Variants in CBL observed in about 807,000 individuals in gnomAD.
CBL encodes the protein Cbl proto-oncogene.
Under a neutral mutation model 96.9 loss-of-function variants are expected in CBL, and 45 were observed. The ratio of observed to expected loss-of-function variants is 0.46; its 90% confidence interval spans 0.37 to 0.60. The LOEUF (loss-of-function observed/expected upper bound fraction) is 0.60. Among genes scored for constraint, CBL ranks in the 20% least tolerant of loss-of-function variants. The pLI is 0.00. For synonymous variants in CBL, 420 were observed against 426.8 expected, an observed-to-expected ratio of 0.98 and a Z score of 0.20; for missense variants, 1,024 against 1,143.5, an observed-to-expected ratio of 0.90 and a Z score of 1.51.
chr11:119,225,652 G>C (rs1301445088), intron 1 of CBL, among the ~76,000 whole-genome samples: 7 of 151,608 alleles, frequency 4.6e-5, no homozygotes, highest in Non-Finnish European at 7.4e-5. Context: ...GCCCACCTCA[G>C]CGTCAGCTTC....
chr11:119,279,491 C>CAA (rs746356737), intron 9 of CBL, among the ~76,000 whole-genome samples: 3 of 119,558 alleles, frequency 2.5e-5, no homozygotes, highest in East Asian at 5.4e-4. Context: ...ATGCCCCCCC[C>CAA]TAAAAAAAAA....
At chr11:119,291,260 C>T (rs1311147277) in intron 12 of CBL, among the ~76,000 whole-genome samples, 2 of 152,150 alleles carry the variant, frequency 1.3e-5, no homozygotes, top group African/African-American at 2.4e-5. Flanking sequence ...ACCATGGTGG[C>T]ACACGCCTAT....
intron 4 of CBL, 79 bp from the exon 5 acceptor site, chr11:119,274,753 G>GC: frequency 9.2e-7 from 1 of 1,081,692 alleles, no homozygotes; most frequent in East Asian, 2.9e-5. Context: ...AGTTGGTGTT[G>GC]TTTTTTTTTT....
intron 1 of CBL, among the ~76,000 whole-genome samples, chr11:119,209,920 A>G (rs1949303479): frequency 6.6e-6 from 1 of 152,248 alleles, no homozygotes. Context: ...AATGCTTGTT[A>G]TTAAACAAAA....
chr11:119,257,314 A>G (rs1016991118), intron 2 of CBL, among the ~76,000 whole-genome samples: 3 of 152,206 alleles, frequency 2.0e-5, no homozygotes, highest in Non-Finnish European at 4.4e-5. Context: ...GGCTGGGGTA[A>G]GGTGGTATCT....
Position 119,285,192 on chromosome 11 carries a change from G to A in CBL, c.1567G>A (p.Ala523Thr), listed in dbSNP as rs2135310264. The change falls in exon 11 of 16, where the codon GCT becomes ACT. Residue 523 changes from alanine to threonine, a missense_variant. This residue lies in a region of CBL where 695 missense variants were observed against 661.6 expected (regional missense o/e 1.05). Transcript: ENST00000264033. ...ASALGTASKA[A>T]SGSLHKDKPL... ...TGCTTTCACCCTGCTTCCACAGGCT[G>A]CTTCTGGCTCCCTTCATAAAGACAA... 1.2e-6 allele frequency: 2 copies of A among 1,614,136 alleles called. No individual in the cohort carries two copies. The highest frequency in any genetic ancestry group is 8.5e-7 in the Non-Finnish European group (1 of 1,180,020).
At chr11:119,266,207 T>C (rs1827429683) in intron 2 of CBL, among the ~76,000 whole-genome samples, 1 of 152,226 alleles carries the variant, frequency 6.6e-6, no homozygotes, top group African/African-American at 2.4e-5. Flanking sequence ...TCATACTGTA[T>C]TTGGTTTCCT....
intron 12 of CBL, among the ~76,000 whole-genome samples, chr11:119,288,841 C>T (rs1354710671): frequency 1.3e-5 from 2 of 152,066 alleles, no homozygotes; most frequent in Non-Finnish European, 2.9e-5. Context: ...AAAATCTATG[C>T]GCACACTGAG....
rs398017760 is a variant in CBL at position 119,283,625 on chromosome 11, C to CTTTTTTTTTTTTTTTTTTTTT, written c.1432-1334_1432-1314dup. ...AAATATTAATCCTTTTTAATTCTTT[C>CTTTTTTTTTTTTTTTTTTTTT]TTTTTTTTTTTTTTTTTTTTTTTTT... On this transcript the variant is annotated intron_variant, in intron 9 of 15. Transcript: ENST00000264033. 5.1e-4 allele frequency among the ~76,000 whole-genome samples: 23 copies of CTTTTTTTTTTTTTTTTTTTTT among 45,526 alleles called. 6 individuals are homozygous for CTTTTTTTTTTTTTTTTTTTTT. The highest frequency in any genetic ancestry group is 6.9e-4 in the Non-Finnish European group (17 of 24,532). The allele number at this position is 45,526 out of a possible 152,430, so 29.9% of individuals were successfully genotyped here.
chr11:119,286,167 G>A lies in CBL; in HGVS notation c.1941+601G>A, dbSNP rs146533850. Among the ~76,000 whole-genome samples, 307 of 152,290 alleles carry A rather than the reference G, an allele frequency of 2.0e-3. 1 individual carries two copies. Among genetic ancestry groups the A allele is most frequent in the Non-Finnish European group, 3.6e-3 (247 of 68,036 alleles). On this transcript the variant is annotated intron_variant, in intron 11 of 15. Transcript: ENST00000264033. The stretch of plus-strand genomic sequence containing the variant: ...TACAAAAAATTAACTGGGCCTGGTG[G>A]TGGGTGTCTGTAATTCCAGCTACTC...
Position 119,271,810 on chromosome 11 carries a change from C to T in CBL, c.519C>T (p.Leu173=), listed in dbSNP as rs1949851368. Residue 173 remains leucine (L), a synonymous_variant, in exon 3 of 16, where the codon CTC becomes CTT. Transcript: ENST00000264033. The part of the protein sequence containing the change: ...AELKGIFPSG[L]FQGDTFRITK... ...TAAAAGGAATCTTTCCAAGTGGACT[C>T]TTTCAGGGAGACACATTTCGGATTA... 1.9e-6 allele frequency: 3 copies of T among 1,614,024 alleles called. No homozygotes were observed. The highest frequency in any genetic ancestry group is 2.5e-6 in the Non-Finnish European group (3 of 1,179,922).
At chr11:119,265,005 T>TC (rs1196246716) in intron 2 of CBL, among the ~76,000 whole-genome samples, 2 of 152,146 alleles carry the variant, frequency 1.3e-5, no homozygotes, top group Non-Finnish European at 2.9e-5. Context: ...GCAACCCTAG[T>TC]AGCTGGGACT....
chr11:119,217,475 T>C (rs1175848080), intron 1 of CBL, among the ~76,000 whole-genome samples: 1 of 152,332 alleles, frequency 6.6e-6, no homozygotes, highest in Middle Eastern at 3.4e-3. Flanking sequence ...TAATTTCTTA[T>C]AAACCAGTAC....
chr11:119,282,387 A>G (rs937443077), intron 9 of CBL, among the ~76,000 whole-genome samples: 9 of 152,252 alleles, frequency 5.9e-5, no homozygotes, highest in African/African-American at 2.2e-4. Context: ...ATGTTGAGAC[A>G]TGAATGTAAA....
intron 12 of CBL, among the ~76,000 whole-genome samples, chr11:119,290,109 A>G (rs1479416144): frequency 6.6e-6 from 1 of 151,938 alleles, no homozygotes; most frequent in Non-Finnish European, 1.5e-5. Context: ...GCAGTGGCGC[A>G]GTCTTGGCTC....
chr11:119,259,919 A>T (rs1484928798), intron 2 of CBL, among the ~76,000 whole-genome samples: 1 of 152,144 alleles, frequency 6.6e-6, no homozygotes, highest in African/African-American at 2.4e-5. Context: ...ACTTACCTCC[A>T]CACTCTTCTC....
Position 119,299,873 on chromosome 11 carries a change from CT to C in CBL, c.*94del. Reference sequence around the variant, plus strand: ...AGAAGGGCAGGAGTTCCTTTGGTGACTTCACAGTGAAGTCTTGCCCTCTCTG... The same window carrying C: ...AGAAGGGCAGGAGTTCCTTTGGTGACTCACAGTGAAGTCTTGCCCTCTCTG... On this transcript the variant is annotated 3_prime_UTR_variant, in exon 16 of 16. Coordinates refer to ENST00000264033, the MANE Select transcript of CBL (RefSeq NM_005188.4). 7.9e-7 allele frequency: 1 copy of C among 1,258,562 alleles called. No homozygotes were observed. Among genetic ancestry groups the C allele is most frequent in the African/African-American group, 1.5e-5 (1 of 68,132 alleles). The allele number at this position is 1,258,562 out of a possible 1,614,324, so 78.0% of individuals were successfully genotyped here. A position where few individuals can be genotyped will look rare whatever the true frequency, so the allele number is the denominator to read the frequency against.
chr11:119,216,823 G>C (rs1464737728), intron 1 of CBL, among the ~76,000 whole-genome samples: 1 of 152,110 alleles, frequency 6.6e-6, no homozygotes, highest in Non-Finnish European at 1.5e-5. Context: ...GGTATCTACT[G>C]TGTGTAGTTT....
At chr11:119,208,639 C>CCA (rs1315687717) in intron 1 of CBL, among the ~76,000 whole-genome samples, 1 of 152,078 alleles carries the variant, frequency 6.6e-6, no homozygotes, top group Non-Finnish European at 1.5e-5. Context: ...GATCCATGCG[C>CCA]CACGGCCTCC....
Sources: gnomAD v4.1 joint callset for allele counts (sites outside exome capture counted in the v4.1 genomes callset) on GRCh38, gnomAD v4.1.1 for gene constraint, gnomAD v4.1.1 regional missense constraint, MANE v1.5 for transcripts, NCBI Gene and HGNC (gene_info 2026-07-23, HGNC 2026-07-21) for gene names.